UBR4: variants seen among roughly 807,000 people sequenced by gnomAD.
The protein encoded by UBR4 is ubiquitin protein ligase E3 component n-recognin 4.
A neutral mutation model predicts 575.6 loss-of-function variants in UBR4; 124 were observed. The ratio of observed to expected loss-of-function variants is 0.22; its 90% CI spans 0.19 to 0.25. The LOEUF is 0.25. UBR4 is among the 10% of genes least tolerant of loss of function. The pLI is 1.00. For synonymous variants in UBR4, 2,455 were observed against 2,473.7 expected, an observed-to-expected ratio of 0.99 and a Z score of 0.22; for missense variants, 4,818 against 6,478.8, an observed-to-expected ratio of 0.74 and a Z score of 8.80.
At position 19,141,825 on chromosome 1, in the gene UBR4, T is replaced by C. The variant is rs775975142; in HGVS notation, c.8180-48A>G. 4.4e-6 allele frequency: 7 copies of C among 1,603,916 alleles called. No homozygotes were observed. In the Admixed American group the frequency reaches 1.2e-4, roughly 27 times the overall value. ...ACCTGAAGGTGCTTGCTTTCCTCCC[T>C]TGGCACATGGTGCCATAAGTCAGGT... On this transcript the variant is annotated intron_variant, in intron 55 of 105. Transcript: ENST00000375254.
At chr1:19,188,291 T>C (rs1397139401) in intron 11 of UBR4, among the ~76,000 whole-genome samples, 1 of 152,216 alleles carries the variant, frequency 6.6e-6, no homozygotes, top group Non-Finnish European at 1.5e-5. Context: ...CAGTGGCTCA[T>C]GCCTATAATC....
At chr1:19,104,490 A>G (rs2078979611) in intron 86 of UBR4, 95 bp downstream of exon 86, 1 of 1,380,284 alleles carries the variant, frequency 7.2e-7, no homozygotes, top group Non-Finnish European at 1.0e-6. Context: ...GGTCAGTACC[A>G]GAGAGAAGAG....
intron 104 of UBR4, 135 bp downstream of exon 104, chr1:19,077,841 T>G (rs1199380924): frequency 1.3e-6 from 2 of 1,553,826 alleles, no homozygotes; most frequent in Non-Finnish European, 1.7e-6. Context: ...GTTGGGGTTG[T>G]TTGTTTCTAG....
chr1:19,169,188 G>A (rs564472429), intron 27 of UBR4, among the ~76,000 whole-genome samples: 1 of 152,272 alleles, frequency 6.6e-6, no homozygotes, highest in South Asian at 2.1e-4. Flanking sequence ...TTCAATTGGT[G>A]AAGAAACTGA....
chr1:19,167,826 G>C (rs1334425617), intron 28 of UBR4, among the ~76,000 whole-genome samples: 1 of 152,156 alleles, frequency 6.6e-6, no homozygotes, highest in Admixed American at 6.5e-5. Context: ...ACTACACAAA[G>C]GAGGAAGTAC....
intron 55 of UBR4, among the ~76,000 whole-genome samples, chr1:19,143,455 CTGTATTGTGTATTG>C (rs547803652): frequency 1.3e-5 from 2 of 152,146 alleles, no homozygotes; most frequent in African/African-American, 4.8e-5. Context: ...ATGCCCTTGA[CTGTATTGTGTATTG>C]TGTATTGTGT....
intron 2 of UBR4, among the ~76,000 whole-genome samples, chr1:19,201,410 T>C (rs552888090): frequency 1.3e-5 from 2 of 152,280 alleles, no homozygotes; most frequent in African/African-American, 4.8e-5. Context: ...CCCAGGGAAA[T>C]TAACACACCA....
chr1:19,168,037 C>T lies in UBR4; in HGVS notation c.3889G>A (p.Asp1297Asn), dbSNP rs2088818782. ...TLLSLVRLTG[D>N]LIVWSDEMNP... ...GTAGTAGGTACTTACACAATAAGAT[C>T]TCCAGTCAACCTGACCAGTGAGAGG... is the stretch of plus-strand genomic sequence containing the variant. Residue 1297 changes from aspartate to asparagine, a missense_variant, in exon 28 of 106, where the codon GAT becomes AAT. Around this residue, in one of 29 missense-constraint regions of UBR4, gnomAD observed 1,172 missense variants for 1,259.7 expected, o/e 0.93. Transcript: ENST00000375254. 5.6e-6 allele frequency: 9 copies of T among 1,611,810 alleles called. No homozygotes were observed. Among genetic ancestry groups the T allele is most frequent in the Non-Finnish European group, 5.9e-6 (7 of 1,178,504 alleles).
chr1:19,148,378 C>G (rs1191359461), intron 50 of UBR4, among the ~76,000 whole-genome samples, 185 bp downstream of exon 50: 1 of 152,152 alleles, frequency 6.6e-6, no homozygotes, highest in South Asian at 2.1e-4. Flanking sequence ...CTGTGACACA[C>G]GCTCACTATG....
In UBR4 at chr1:19,153,972, G is replaced by C. The variant is rs775991561; in HGVS notation, c.6459-33C>G. The C allele has an allele frequency of 1.2e-6, 2 of 1,604,248 alleles. No homozygotes were observed. Among genetic ancestry groups the C allele is most frequent in the Non-Finnish European group, 1.7e-6 (2 of 1,174,946 alleles). ...CAACAAAACTGGCCACAGTTAGAGT[G>C]TCAGTCACCATTTAATAGTTCTTTT... On this transcript the variant is annotated intron_variant, in intron 44 of 105. Coordinates refer to ENST00000375254, the MANE Select transcript of UBR4 (RefSeq NM_020765.3). This position sits in a 1 kb window ranked among gnomAD's most constrained non-coding sequence, Gnocchi z 4.1.
In UBR4 at chr1:19,087,908, C is replaced by A; in HGVS notation, c.14452G>T (p.Val4818Leu). 3.1e-6 allele frequency: 5 copies of A among 1,607,308 alleles called. No homozygotes were observed. The African/African-American group carries it at 4.0e-5, about 13-fold the overall frequency. Reference sequence around the variant, plus strand: ...TGCTTCAGGAGTGCTGTCTTGGTCACGACCTGGCCCTTTTCATTTGTCTGT... The same window carrying A: ...TGCTTCAGGAGTGCTGTCTTGGTCAAGACCTGGCCCTTTTCATTTGTCTGT... Reference protein sequence around the residue: ...GMTTNEKGQVVTKTALLKQME... With the variant: ...GMTTNEKGQVLTKTALLKQME... The change falls in exon 99 of 106, where the codon GTG becomes TTG. Residue 4818 changes from valine to leucine, a missense_variant. Physicochemically the swap from Val to Leu is conservative, Grantham distance 32 (BLOSUM62 1). Coordinates refer to ENST00000375254, the MANE Select transcript of UBR4 (RefSeq NM_020765.3).
chr1:19,183,206 A>T (rs2091187057), intron 17 of UBR4, among the ~76,000 whole-genome samples: 1 of 152,198 alleles, frequency 6.6e-6, no homozygotes, highest in Admixed American at 6.5e-5. Flanking sequence ...TTTTCATATA[A>T]ACTGCCTGCT....
At chr1:19,143,259 G>GAAGAAAGAAAGAAAGAAAGA (rs200550539) in intron 55 of UBR4, among the ~76,000 whole-genome samples, 38 of 91,630 alleles carry the variant, frequency 4.1e-4, no homozygotes, top group Admixed American at 5.6e-4. Flanking sequence ...AGGAAGGAAG[G>GAAGAAAGAAAGAAAGAAAGA]AAGAAAGAAA....
In UBR4 at chr1:19,164,878, C is replaced by A; in HGVS notation, c.4432G>T (p.Asp1478Tyr). 1.2e-6 allele frequency: 2 copies of A among 1,614,168 alleles called. No individual in the cohort carries two copies. Among genetic ancestry groups the A allele is most frequent in the African/African-American group, 1.3e-5 (1 of 75,042 alleles). ...LTRMTTSPPK[D>Y]SDQLDVIQEN... ...TGAATTACATCCAGCTGATCAGAAT[C>A]TTTTGGGGGCGATGTAGTCATGCGG... Residue 1478 changes from aspartate to tyrosine, a missense_variant, in exon 32 of 106, where the codon GAT becomes TAT. Transcript: ENST00000375254.
rs190780375 is a variant in UBR4, at chr1:19,199,382, T to C, written c.378+269A>G. ...ACTCTGTAGCCCCATGTACCAGAGGTTGGCAAACTACAGCTCCAATTCAAA... is the reference window on the plus strand; with the variant it reads ...ACTCTGTAGCCCCATGTACCAGAGGCTGGCAAACTACAGCTCCAATTCAAA... On this transcript the variant is annotated intron_variant, in intron 3 of 105. Coordinates refer to ENST00000375254, the MANE Select transcript of UBR4 (RefSeq NM_020765.3). Among the ~76,000 whole-genome samples the C allele has an allele frequency of 1.1e-4, 16 of 152,298 alleles. No individual in the cohort carries two copies. The East Asian group carries it at 1.3e-3, about 13-fold the overall frequency.
At chr1:19,156,140 C>A in intron 42 of UBR4, 131 bp downstream of exon 42, 1 of 1,252,436 alleles carries the variant, frequency 8.0e-7, no homozygotes, top group Admixed American at 2.3e-5. Flanking sequence ...TTCCAAGTAG[C>A]TGGTACTACA....
chr1:19,105,317 G>T, intron 84 of UBR4, 128 bp from the exon 85 acceptor site: 1 of 1,149,404 alleles, frequency 8.7e-7, no homozygotes, highest in Non-Finnish European at 1.2e-6. Context: ...CTAGAGGGTG[G>T]AGGAACAGCA....
rs374669436 is a variant in UBR4 at position 19,104,221 on chromosome 1, T to C, written c.12764A>G (p.Lys4255Arg). The change falls in exon 87 of 106, where the codon AAA (lysine) becomes AGA (arginine). Residue 4255 changes from lysine (K) to arginine (R), a missense_variant. Physicochemically the swap from Lys to Arg is conservative, Grantham distance 26 (BLOSUM62 2). Transcript: ENST00000375254. Reference sequence around the variant, plus strand: ...CACCAAGCGACTTTTAAAATGTCTTTTGATGGATTCCACCTCAACAAAGGA... The same window carrying C: ...CACCAAGCGACTTTTAAAATGTCTTCTGATGGATTCCACCTCAACAAAGGA... The part of the protein sequence containing the change: ...LSSFVEVESI[K>R]RHFKSRLVGT... The C allele has an allele frequency of 1.2e-6, 2 of 1,614,106 alleles. 1 individual carries two copies. Among genetic ancestry groups the C allele is most frequent in the African/African-American group, 2.7e-5 (2 of 74,932 alleles).
chr1:19,151,070 C>G (rs2085624157), intron 48 of UBR4: 2 of 494,278 alleles, frequency 4.0e-6, no homozygotes, highest in African/African-American at 1.9e-5. Context: ...AGTATTGTAT[C>G]CCCTACCCCT....
Sources: gnomAD v4.1 joint callset for allele counts (sites outside exome capture counted in the v4.1 genomes callset) on GRCh38, gnomAD v4.1.1 for gene constraint, gnomAD v4.1.1 regional missense constraint, Gnocchi (gnomAD v3.1) non-coding constraint, MANE v1.5 for transcripts, NCBI Gene and HGNC (gene_info 2026-07-23, HGNC 2026-07-21) for gene names.